The following KIF7 variants were observed in gnomAD, a reference collection of about 807,000 sequenced individuals.
KIF7 encodes kinesin family member 7.
A neutral mutation model predicts 135.7 loss-of-function variants in KIF7; 104 were observed. The observed-to-expected ratio is 0.77, with a 90% confidence interval of 0.65 to 0.90. The LOEUF (loss-of-function observed/expected upper bound fraction) is 0.90, where lower values mean the gene tolerates loss of function less well. Among genes scored for constraint, KIF7 ranks in the 40% least tolerant of loss-of-function variants. The pLI, the probability that KIF7 is intolerant of heterozygous loss-of-function variation, is 0.00. For missense variants in KIF7, 2,005 were observed against 1,839.1 expected (o/e 1.09, Z -1.65); for synonymous variants, 883 against 809.4 (o/e 1.09, Z -1.54).
chr15:89,626,906 G>T (rs750644779), downstream of KIF7: 5 of 1,593,402 alleles, frequency 3.1e-6, no homozygotes, highest in African/African-American at 2.7e-5. Flanking sequence ...ATTTTTTTCA[G>T]TTCGGTCCTC....
intron 6 of KIF7, 22 bp downstream of exon 6, chr15:89,647,574 C>T: frequency 6.3e-7 from 1 of 1,596,400 alleles, no homozygotes; most frequent in Non-Finnish European, 8.6e-7. Context: ...GCCTTCCCCG[C>T]ACTGTGAAGC....
In KIF7 at chr15:89,629,485, T is replaced by C. The variant is rs769690192; in HGVS notation, c.3407A>G (p.Tyr1136Cys). The C allele has an allele frequency of 6.2e-7, 1 of 1,611,392 alleles. No homozygotes were observed. The highest frequency in any genetic ancestry group is 1.1e-5 in the South Asian group (1 of 91,084). The change falls in exon 17 of 19, where the codon TAC becomes TGC. Residue 1136 changes from tyrosine (Y) to cysteine (C), a missense_variant. By Grantham distance (194) the Tyr-to-Cys change is radical. Transcript: ENST00000394412. ...CCGCTCCAGGGCCACCTCCAGCCAGTACACCAGCCTCTGCTGCTCCTCCAG... is the reference window on the plus strand; with the variant it reads ...CCGCTCCAGGGCCACCTCCAGCCAGCACACCAGCCTCTGCTGCTCCTCCAG... ...MQLEEQQRLV[Y>C]WLEVALERQR... is the part of the protein sequence containing the mutation.
Position 89,633,701 on chromosome 15 carries a change from C to T in KIF7, c.2577G>A (p.Arg859=), listed in dbSNP as rs764676261. ...TGAGCCTGACCTTGACGCGGTGCTG[C>T]CGCTTGCTCATTTCTGCCTCCAGGC... ...KRRLEAEMSK[R]QHRVKELELK... is the part of the protein sequence containing the mutation. The change falls in exon 12 of 19, where the codon CGG becomes CGA. Residue 859 remains arginine, a synonymous_variant. Transcript: ENST00000394412. 13 of 1,607,618 alleles carry T rather than the reference C, an allele frequency of 8.1e-6. No homozygotes were observed. The highest frequency in any genetic ancestry group is 1.1e-5 in the Non-Finnish European group (13 of 1,179,836).
At position 89,642,262 on chromosome 15, in the gene KIF7, C is replaced by T. The variant is rs116823950; in HGVS notation, c.2335G>A (p.Glu779Lys). Residue 779 changes from glutamate (E) to lysine (K), a missense_variant, in exon 11 of 19, where the codon GAG (glutamate) becomes AAG (lysine). Coordinates refer to ENST00000394412, the MANE Select transcript of KIF7 (RefSeq NM_198525.3). ...CGGAACTCCTGGAGCCGAGACCGCT[C>T]GCCAGCATCCTGGAGCTCCTTGCCC... is the stretch of plus-strand genomic sequence containing the variant. ...LEGKELQDAGERSRLQEFRRR... is the reference protein window; with the variant it reads ...LEGKELQDAGKRSRLQEFRRR... 11 of 1,610,384 alleles carry T rather than the reference C, an allele frequency of 6.8e-6. No homozygotes were observed. The African/African-American group carries it at 8.0e-5, about 12-fold the overall frequency.
At chr15:89,633,087 AC>A in intron 13 of KIF7, 53 bp downstream of exon 13, 1 of 1,600,290 alleles carries the variant, frequency 6.2e-7, no homozygotes, top group Non-Finnish European at 8.5e-7. Flanking sequence ...AGAAAGGTGC[AC>A]CCACCAGCCA....
rs1256245526 is a variant in KIF7 at position 89,628,955 on chromosome 15, C to T, written c.3664+21G>A. On this transcript the variant is annotated intron_variant, in intron 18 of 18. Coordinates refer to ENST00000394412, the MANE Select transcript of KIF7 (RefSeq NM_198525.3). ...CAAAGAAAGGGAACAGGTCTGACTT[C>T]AGAGCGCGACGAGGAGTTACCCCTG... is the stretch of plus-strand genomic sequence containing the variant. 3 of 1,613,826 alleles carry T rather than the reference C, an allele frequency of 1.9e-6. No individual in the cohort carries two copies. In the African/African-American group the frequency reaches 4.0e-5, roughly 22 times the overall value.
At chr15:89,646,647 A>T (rs1299858730) in intron 7 of KIF7, among the ~76,000 whole-genome samples, 183 bp downstream of exon 7, 1 of 152,162 alleles carries the variant, frequency 6.6e-6, no homozygotes, top group Non-Finnish European at 1.5e-5. Context: ...CCCTTCTGAG[A>T]GGCCCAGAGT....
chr15:89,655,032 C>T (rs1194672674), intron 1 of KIF7, among the ~76,000 whole-genome samples: 1 of 152,252 alleles, frequency 6.6e-6, no homozygotes, highest in African/African-American at 2.4e-5. Context: ...ACCCCGCAGG[C>T]GCTATTCGGA....
In KIF7 at chr15:89,631,207, G is replaced by A. The variant is rs1157261217; in HGVS notation, c.3111+288C>T. ...GACACTCCACACACGAAGCCGAGAC[G>A]TGTGGGCAGGTACTCGAATGCAGCA... On this transcript the variant is annotated intron_variant, in intron 15 of 18. Transcript: ENST00000394412. 9.2e-5 allele frequency among the ~76,000 whole-genome samples: 14 copies of A among 152,344 alleles called. No homozygotes were observed. In the East Asian group the frequency reaches 1.7e-3, roughly 19 times the overall value.
chr15:89,647,516 C>G, intron 6 of KIF7, 80 bp downstream of exon 6: 1 of 1,270,074 alleles, frequency 7.9e-7, no homozygotes, highest in Non-Finnish European at 1.1e-6. Context: ...TAACTCCCTC[C>G]CATCCTGAGA....
chr15:89,652,055 G>T (rs1038961587), intron 2 of KIF7, among the ~76,000 whole-genome samples: 2 of 152,222 alleles, frequency 1.3e-5, no homozygotes, highest in African/African-American at 4.8e-5. Flanking sequence ...ATGGTATTCT[G>T]TTATAGTGAA....
In KIF7 at chr15:89,648,428, G is replaced by GC; in HGVS notation, c.1269dup (p.Arg424AlafsTer39). The GC allele has an allele frequency of 2.7e-6, 3 of 1,115,044 alleles. No homozygotes were observed. Among genetic ancestry groups the GC allele is most frequent in the Non-Finnish European group, 3.3e-6 (3 of 913,064 alleles). The allele number at this position is 1,115,044 out of a possible 1,614,324, so 69.1% of individuals were successfully genotyped here. On this transcript the variant is annotated frameshift_variant, in exon 5 of 19. Coordinates refer to ENST00000394412, the MANE Select transcript of KIF7 (RefSeq NM_198525.3). LOFTEE classifies it high-confidence loss of function. ...AGCCCGGGCTCGGCCTGCAGCTCGC[G>GC]CAAGAGGCTGTAGGCGGCGTCGGTG... is the stretch of plus-strand genomic sequence containing the variant.
At chr15:89,658,255 A>G (rs906725128), upstream of KIF7, among the ~76,000 whole-genome samples, 2 of 152,092 alleles carry the variant, frequency 1.3e-5, no homozygotes, top group African/African-American at 4.8e-5. Flanking sequence ...GTTCAAGACC[A>G]GCCTGGGCAA....
At chr15:89,654,981 T>A (rs1964185287) in intron 1 of KIF7, among the ~76,000 whole-genome samples, 1 of 152,192 alleles carries the variant, frequency 6.6e-6, no homozygotes, top group African/African-American at 2.4e-5. Context: ...CGCGCGCCCC[T>A]GCTCTCCGCA....
intron 4 of KIF7, 34 bp from the exon 5 acceptor site, chr15:89,648,808 C>T: frequency 6.6e-7 from 1 of 1,515,810 alleles, no homozygotes; most frequent in South Asian, 1.2e-5. Flanking sequence ...TCAGGGGCCC[C>T]GACGCTCCAG....
At chr15:89,646,710 C>T (rs1349189038) in intron 7 of KIF7, 120 bp downstream of exon 7, 6 of 931,980 alleles carry the variant, frequency 6.4e-6, no homozygotes, top group African/African-American at 4.9e-5. Flanking sequence ...CCTCTCGCAT[C>T]TCACAGCCAG....
intron 10 of KIF7, among the ~76,000 whole-genome samples, chr15:89,642,656 G>A (rs768308252): frequency 2.6e-5 from 4 of 152,204 alleles, no homozygotes; most frequent in South Asian, 4.1e-4. Context: ...TGCAACCTCC[G>A]CCTTCCAGAT....
chr15:89,633,533 A>G (rs1963732127), intron 12 of KIF7, among the ~76,000 whole-genome samples, 153 bp downstream of exon 12: 2 of 152,014 alleles, frequency 1.3e-5, no homozygotes, highest in Non-Finnish European at 1.5e-5. Flanking sequence ...AACATTCCAC[A>G]TTTTCAGATG....
intron 7 of KIF7, among the ~76,000 whole-genome samples, chr15:89,646,559 C>A (rs1267347976): frequency 6.6e-6 from 1 of 152,128 alleles, no homozygotes; most frequent in Non-Finnish European, 1.5e-5. Flanking sequence ...CACCCGATGC[C>A]GGAAGCCTGA....
Sources: gnomAD v4.1 joint callset for allele counts (sites outside exome capture counted in the v4.1 genomes callset) on GRCh38, gnomAD v4.1.1 for gene constraint, MANE v1.5 for transcripts, NCBI Gene and HGNC (gene_info 2026-07-23, HGNC 2026-07-21) for gene names.